Variants in COL4A6 observed in about 807,000 individuals in gnomAD.
COL4A6 encodes the protein collagen type IV alpha 6 chain, also known as collagen alpha-6(IV) chain.
A neutral mutation model predicts 126.7 loss-of-function variants in COL4A6; 59 were observed. The ratio of observed to expected loss-of-function variants is 0.47; its 90% confidence interval spans 0.38 to 0.58. The LOEUF is 0.58. Ranked by LOEUF, COL4A6 falls within the 20% of genes least tolerant of loss-of-function variation. The probability of loss-of-function intolerance (pLI) is 0.00; values close to 1 mark genes in which losing one functional copy is unlikely to be tolerated. For synonymous variants in COL4A6, 547 were observed against 496.6 expected, an observed-to-expected ratio of 1.10 and a Z score of -1.35; for missense variants, 1,285 against 1,337.3, an observed-to-expected ratio of 0.96 and a Z score of 0.61.
intron 2 of COL4A6, among the ~76,000 whole-genome samples, chrX:108,375,545 AACT>A (rs970395940): frequency 2.7e-5 from 3 of 110,965 alleles, no homozygotes; most frequent in Non-Finnish European, 5.7e-5. Context: ...ATCTATTCCA[AACT>A]ACCTTTTCTC....
At chrX:108,322,646 C>G (rs184065130) in intron 2 of COL4A6, among the ~76,000 whole-genome samples, 1 of 111,805 alleles carries the variant, frequency 8.9e-6, no homozygotes, top group East Asian at 2.8e-4. Flanking sequence ...AAATGTTGCC[C>G]GTAATGTTCT....
chrX:108,338,683 C>T (rs2039489807), intron 2 of COL4A6, among the ~76,000 whole-genome samples: 1 of 111,817 alleles, frequency 8.9e-6, no homozygotes, highest in African/African-American at 3.2e-5. Context: ...TAATATGCTG[C>T]TATTCTCAAA....
intron 8 of COL4A6, 178 bp from the exon 9 acceptor site, chrX:108,206,758 A>T: frequency 1.9e-6 from 1 of 538,549 alleles, no homozygotes; most frequent in Non-Finnish European, 3.4e-6. Context: ...ATAGATTCAA[A>T]CAGTGGAATA....
At chrX:108,392,788 A>G (rs1319500886) in intron 2 of COL4A6, among the ~76,000 whole-genome samples, 1 of 111,953 alleles carries the variant, frequency 8.9e-6, no homozygotes, top group Non-Finnish European at 1.9e-5. Flanking sequence ...ACCACATGAG[A>G]ACACAGTGAG....
chrX:108,180,493 G>T, intron 25 of COL4A6, 22 bp downstream of exon 25: 1 of 1,125,643 alleles, frequency 8.9e-7, no homozygotes, highest in Non-Finnish European at 1.2e-6. Flanking sequence ...AGAAGCAGGT[G>T]AGGAGACACT....
chrX:108,195,205 T>C lies in COL4A6; in HGVS notation c.904-79A>G, dbSNP rs1388318946. The C allele has an allele frequency of 7.9e-6, 6 of 761,187 alleles. No individual in the cohort carries two copies. The Admixed American group carries it at 1.6e-4, about 20-fold the overall frequency. 62.7% of individuals were successfully genotyped at this position (761,187 alleles called of 1,213,427 possible). A position where few individuals can be genotyped will look rare whatever the true frequency, so the allele number is the denominator to read the frequency against. ...CCACTAGACTTATATAACAAAGTTATCCAACTGAGTTCAGGATTTAGCAGC... is the reference window on the plus strand; with the variant it reads ...CCACTAGACTTATATAACAAAGTTACCCAACTGAGTTCAGGATTTAGCAGC... On this transcript the variant is annotated intron_variant, in intron 14 of 44. Coordinates refer to ENST00000334504, the MANE Select transcript of COL4A6 (RefSeq NM_033641.4).
chrX:108,170,994 C>T (rs2034283663), intron 33 of COL4A6, 77 bp from the exon 34 acceptor site: 1 of 904,549 alleles, frequency 1.1e-6, no homozygotes, highest in South Asian at 2.2e-5. Flanking sequence ...AGAGTAGATT[C>T]TGAATTGCTG....
intron 3 of COL4A6, chrX:108,269,141 C>T (rs2037386882): frequency 3.0e-6 from 1 of 335,488 alleles, no homozygotes; most frequent in East Asian, 9.3e-5. Context: ...CATTCAGTAG[C>T]TGCAAGTTGT....
At chrX:108,210,102 T>G in intron 7 of COL4A6, 98 bp from the exon 8 acceptor site, 3 of 857,767 alleles carry the variant, frequency 3.5e-6, no homozygotes, top group Non-Finnish European at 5.0e-6. Flanking sequence ...AACACATCTC[T>G]GAACCTTGGG....
intron 2 of COL4A6, among the ~76,000 whole-genome samples, chrX:108,410,603 C>A (rs564272497): frequency 9.0e-6 from 1 of 111,689 alleles, no homozygotes; most frequent in African/African-American, 3.2e-5. Context: ...TAGTCAATTT[C>A]TTTGCAAGTA....
chrX:108,358,473 C>A, intron 2 of COL4A6, among the ~76,000 whole-genome samples: 1 of 107,594 alleles, frequency 9.3e-6, no homozygotes, highest in East Asian at 2.9e-4. Flanking sequence ...GGGCTCACTA[C>A]AACTTCTGCC....
chrX:108,267,086 A>G (rs2037324294), intron 3 of COL4A6, among the ~76,000 whole-genome samples: 1 of 111,569 alleles, frequency 9.0e-6, no homozygotes, highest in Admixed American at 9.5e-5. Flanking sequence ...CCCTAGGGGG[A>G]AATCCATTCC....
At chrX:108,429,214 G>A (rs2064139256) in intron 2 of COL4A6, among the ~76,000 whole-genome samples, 1 of 112,394 alleles carries the variant, frequency 8.9e-6, no homozygotes, top group South Asian at 3.7e-4. Flanking sequence ...ATAATAGGAA[G>A]CAGATCAGTG....
chrX:108,216,643 T>A (rs753577842), intron 5 of COL4A6, among the ~76,000 whole-genome samples: 1 of 112,706 alleles, frequency 8.9e-6, no homozygotes, highest in African/African-American at 3.2e-5. Flanking sequence ...TACATATGTG[T>A]GTGCCAACCC....
intron 13 of COL4A6, among the ~76,000 whole-genome samples, chrX:108,198,953 T>C (rs1305716916): frequency 2.7e-5 from 3 of 111,232 alleles, no homozygotes; most frequent in Non-Finnish European, 3.8e-5. Flanking sequence ...AGAGGGCACA[T>C]GGATATACAA....
Position 108,425,733 on chromosome X carries a change from A to AACAC in COL4A6, c.63+12205_63+12208dup, listed in dbSNP as rs752707988. On this transcript the variant is annotated intron_variant, in intron 2 of 44. Transcript: ENST00000334504. ...TGGGCGACAGCACAACACACACACA[A>AACAC]ACACACACACACACACACACACACA... Among the ~76,000 whole-genome samples the AACAC allele has an allele frequency of 2.7e-3, 241 of 90,577 alleles. 2 individuals are homozygous for AACAC. Among genetic ancestry groups the AACAC allele is most frequent in the Middle Eastern group, 5.5e-3 (1 of 182 alleles). 78.7% of individuals were successfully genotyped at this position (90,577 alleles called of 115,157 possible). A position where few individuals can be genotyped will look rare whatever the true frequency, so the allele number is the denominator to read the frequency against.
At chrX:108,347,893 C>A (rs1239244832) in intron 2 of COL4A6, among the ~76,000 whole-genome samples, 1 of 109,219 alleles carries the variant, frequency 9.2e-6, no homozygotes, top group African/African-American at 3.3e-5. Context: ...GAAGAAAACC[C>A]ATTAAAGCAG....
intron 3 of COL4A6, among the ~76,000 whole-genome samples, chrX:108,297,948 C>T (rs7878273): frequency 0.061 from 6,599 of 107,753 alleles, 510 homozygotes; most frequent in African/African-American, 0.2. Context: ...CTCTCTCTCA[C>T]GTGTGTGTGT....
At chrX:108,181,304 G>T (rs181853806) in intron 23 of COL4A6, among the ~76,000 whole-genome samples, 183 of 112,469 alleles carry the variant, frequency 1.6e-3, no homozygotes, top group African/African-American at 5.8e-3. Context: ...AACAGCAATT[G>T]CCTACTCACC....
Sources: gnomAD v4.1 joint callset for allele counts (sites outside exome capture counted in the v4.1 genomes callset) on GRCh38, gnomAD v4.1.1 for gene constraint, MANE v1.5 for transcripts, NCBI Gene and HGNC (gene_info 2026-07-23, HGNC 2026-07-21) for gene names.